The following SEMA3D variants were observed in gnomAD, a reference collection of about 807,000 sequenced individuals.
The protein encoded by SEMA3D is semaphorin 3D.
In SEMA3D, 84 loss-of-function variants were observed where a neutral mutation model predicts 100.1. The observed-to-expected ratio is 0.84, with a 90% CI of 0.70 to 1.01. The LOEUF is 1.01. SEMA3D is among the 50% of genes least tolerant of loss of function. The pLI, the probability that SEMA3D is intolerant of heterozygous loss-of-function variation, is 0.00. For synonymous variants in SEMA3D, 312 were observed against 320.7 expected (o/e 0.97, Z 0.29); for missense variants, 875 against 934.1 (o/e 0.94, Z 0.82).
chr7:85,007,208 C>A (rs1223457802), intron 17 of SEMA3D, among the ~76,000 whole-genome samples: 1 of 151,782 alleles, frequency 6.6e-6, no homozygotes, highest in East Asian at 1.9e-4. Context: ...TTCATAATAT[C>A]AAACTCTATA....
chr7:85,013,869 C>T (rs781183601), intron 16 of SEMA3D, among the ~76,000 whole-genome samples: 22 of 151,688 alleles, frequency 1.5e-4, no homozygotes, highest in Non-Finnish European at 3.1e-4. Context: ...GGAACAGGGT[C>T]AATTCATCAA....
the SEMA3D span, among the ~76,000 whole-genome samples, chr7:85,212,586 T>C: frequency 6.6e-6 from 1 of 152,018 alleles, no homozygotes; most frequent in Non-Finnish European, 1.5e-5. Context: ...CCTGTGTGTG[T>C]GTTGCGTGTT....
chr7:85,074,622 CATATAT>C (rs10610475), intron 5 of SEMA3D, among the ~76,000 whole-genome samples: 1 of 148,838 alleles, frequency 6.7e-6, no homozygotes, highest in Non-Finnish European at 1.5e-5. Flanking sequence ...TTTCAACTGG[CATATAT>C]ATATATATAT....
At chr7:85,191,150 G>A (rs1006107560), upstream of SEMA3D, among the ~76,000 whole-genome samples, 67 of 152,098 alleles carry the variant, frequency 4.4e-4, no homozygotes, top group African/African-American at 1.6e-3. Context: ...ACACAGTCCA[G>A]CCTCTTTGGC....
intron 12 of SEMA3D, among the ~76,000 whole-genome samples, chr7:85,035,711 T>G (rs1295952151): frequency 1.3e-5 from 2 of 151,874 alleles, no homozygotes. Context: ...ATTAAAAAAT[T>G]TAAGGGGATA....
intron 1 of SEMA3D, among the ~76,000 whole-genome samples, chr7:85,181,319 AACACAC>A (rs3076567): frequency 0.011 from 986 of 93,654 alleles, 10 homozygotes; most frequent in African/African-American, 0.042. Flanking sequence ...ACATGCTCAC[AACACAC>A]ACACACACAC....
chr7:85,027,980 T>A, intron 12 of SEMA3D: 1 of 573,762 alleles, frequency 1.7e-6, no homozygotes, highest in South Asian at 1.5e-5. Flanking sequence ...AACAATTGAT[T>A]AGTGATACTC....
chr7:85,049,579 A>G (rs1327232549), intron 9 of SEMA3D, among the ~76,000 whole-genome samples: 1 of 151,798 alleles, frequency 6.6e-6, no homozygotes, highest in Non-Finnish European at 1.5e-5. Context: ...AAACAGATGG[A>G]AGTGAAGCAA....
chr7:85,084,114 C>A (rs12176612), intron 4 of SEMA3D, among the ~76,000 whole-genome samples: 24,070 of 146,944 alleles, frequency 0.16, 2,085 homozygotes, highest in East Asian at 0.39. Context: ...GCCACTGCAC[C>A]CCAGCCTGGG....
intron 9 of SEMA3D, chr7:85,050,624 T>C (rs1791137174): frequency 2.4e-6 from 1 of 419,444 alleles, no homozygotes; most frequent in South Asian, 6.4e-5. Context: ...ATTGTGTCTC[T>C]CTTCATTGAT....
At chr7:85,038,143 C>G (rs887225536) in intron 11 of SEMA3D, among the ~76,000 whole-genome samples, 12 of 151,944 alleles carry the variant, frequency 7.9e-5, no homozygotes, top group African/African-American at 2.7e-4. Context: ...CACATGTATA[C>G]GTATGTAACT....
Position 85,042,298 on chromosome 7 carries a change from A to C in SEMA3D, c.862-13T>G. 6.4e-7 allele frequency: 1 copy of C among 1,551,798 alleles called. No individual in the cohort carries two copies. The highest frequency in any genetic ancestry group is 1.1e-5 in the South Asian group (1 of 88,738). Reference sequence around the variant, plus strand: ...CTCCTACATCATTCTGACATGAAAAAAAAAATAAAGATAAATATTTATCAA... The same window carrying C: ...CTCCTACATCATTCTGACATGAAAACAAAAATAAAGATAAATATTTATCAA... On this transcript the variant is annotated splice_polypyrimidine_tract_variant and intron_variant, in intron 9 of 18. Coordinates refer to ENST00000284136, the MANE Select transcript of SEMA3D (RefSeq NM_001384900.1).
At chr7:85,172,549 C>T (rs1228458263) in intron 1 of SEMA3D, among the ~76,000 whole-genome samples, 1 of 151,938 alleles carries the variant, frequency 6.6e-6, no homozygotes, top group African/African-American at 2.4e-5. Context: ...ATGTACTTTG[C>T]ACATTAGATT....
At chr7:85,151,427 T>C (rs1562836601) in intron 2 of SEMA3D, among the ~76,000 whole-genome samples, 1 of 152,026 alleles carries the variant, frequency 6.6e-6, no homozygotes, top group South Asian at 2.1e-4. Context: ...AAAAACAGTG[T>C]GATACTCTTA....
chr7:85,168,617 A>AT (rs3076565), intron 1 of SEMA3D, among the ~76,000 whole-genome samples: 6,163 of 135,240 alleles, frequency 0.046, 147 homozygotes, highest in South Asian at 0.074. Context: ...GGTTTCTGCA[A>AT]TTTTTTTTTT....
At chr7:85,126,437 G>A (rs1433419817) in intron 2 of SEMA3D, among the ~76,000 whole-genome samples, 1 of 136,312 alleles carries the variant, frequency 7.3e-6, no homozygotes, top group Non-Finnish European at 1.6e-5. Flanking sequence ...GTGTGTGTGT[G>A]TAGGTTGGGG....
At chr7:85,166,687 G>A (rs1023331343) in intron 1 of SEMA3D, among the ~76,000 whole-genome samples, 1 of 151,934 alleles carries the variant, frequency 6.6e-6, no homozygotes, top group Non-Finnish European at 1.5e-5. Flanking sequence ...ACCCAGGTGG[G>A]ACTAGGTTCA....
At chr7:85,178,480 G>A (rs984878984) in intron 1 of SEMA3D, among the ~76,000 whole-genome samples, 4 of 152,146 alleles carry the variant, frequency 2.6e-5, no homozygotes, top group African/African-American at 7.2e-5. Context: ...CTGGATAAAG[G>A]TGTCTCTTGC....
intron 11 of SEMA3D, 28 bp downstream of exon 11, chr7:85,040,645 A>C (rs1243713782): frequency 9.1e-7 from 1 of 1,100,172 alleles, no homozygotes; most frequent in African/African-American, 1.5e-5. Context: ...AATTCTCTGA[A>C]GCATTAAAAG....
Sources: gnomAD v4.1 joint callset for allele counts (sites outside exome capture counted in the v4.1 genomes callset) on GRCh38, gnomAD v4.1.1 for gene constraint, MANE v1.5 for transcripts, NCBI Gene and HGNC (gene_info 2026-07-23, HGNC 2026-07-21) for gene names.